Variants in NEB observed in about 807,000 individuals in gnomAD.
The protein encoded by NEB is nebulin, also known as nemaline myopathy type 2.
In NEB, 512 loss-of-function variants were observed where a neutral mutation model predicts 952.2. That is an observed-to-expected ratio of 0.54 (90% CI 0.50 to 0.58). The LOEUF is 0.58. Ranked by LOEUF, NEB falls within the 20% of genes least tolerant of loss-of-function variation. The pLI is 0.00. For missense variants in NEB, 8,428 were observed against 9,231.1 expected (o/e 0.91, Z 3.56); for synonymous variants, 2,900 against 3,149.8 (o/e 0.92, Z 2.66).
Position 151,569,316 on chromosome 2 carries a change from G to A in NEB, c.17487C>T (p.Asp5829=). The A allele has an allele frequency of 1.2e-6, 2 of 1,613,950 alleles. No individual in the cohort carries two copies. Among genetic ancestry groups the A allele is most frequent in the South Asian group, 1.1e-5 (1 of 91,084 alleles). Residue 5829 remains aspartate (D), a synonymous_variant, in exon 110 of 182, where the codon GAC becomes GAT. Coordinates refer to ENST00000397345, the MANE Select transcript of NEB (RefSeq NM_001164508.2). ...GTTTGGCATGATTGACGGACACGGA[G>A]TCATTTGGCATCCACCCAATTCCAC... ...WLRGIGWMPN[D]SVSVNHAKHA...
In NEB at chr2:151,688,211, CCTTGT is replaced by C. The variant is rs138685043; in HGVS notation, c.2415+76_2415+80del. 3,076 of 1,182,136 alleles carry C rather than the reference CCTTGT, an allele frequency of 2.6e-3. 60 individuals are homozygous for C. In the African/African-American group the frequency reaches 0.041, roughly 16 times the overall value. The allele number at this position is 1,182,136 out of a possible 1,614,324, so 73.2% of individuals were successfully genotyped here. The stretch of plus-strand genomic sequence containing the variant: ...CTTAAAGTTGTTTATTTGCACAATT[CCTTGT>C]CTTGTCTTTTAAAATTTAAAACATT... On this transcript the variant is annotated intron_variant, in intron 25 of 181. Transcript: ENST00000397345.
Position 151,633,932 on chromosome 2 carries a change from C to A in NEB, c.9136G>T (p.Gly3046Cys), listed in dbSNP as rs1335899216. 1.1e-5 allele frequency: 18 copies of A among 1,613,584 alleles called. No homozygotes were observed. Among genetic ancestry groups the A allele is most frequent in the Middle Eastern group, 1.6e-4 (1 of 6,082 alleles). Reference sequence around the variant, plus strand: ...ATGTTCCGGGCTCCAATATGGTGGCCAAGTTGCTTGCAGTAACCATCTTTA... The same window carrying A: ...ATGTTCCGGGCTCCAATATGGTGGCAAAGTTGCTTGCAGTAACCATCTTTA... The part of the protein sequence containing the change: ...KYKDGYCKQL[G>C]HHIGARNIED... The change falls in exon 65 of 182, where the codon GGC becomes TGC. Residue 3046 changes from glycine (G) to cysteine (C), a missense_variant. This residue lies in a region of NEB where 1,772 missense variants were observed against 1,960.3 expected (regional missense o/e 0.90). Transcript: ENST00000397345.
intron 13 of NEB, among the ~76,000 whole-genome samples, chr2:151,699,014 C>G (rs899095950): frequency 7.9e-6 from 1 of 126,364 alleles, no homozygotes; most frequent in African/African-American, 2.9e-5. Context: ...TGCTATCCCT[C>G]CCCCCTCCCC....
Position 151,713,668 on chromosome 2 carries a change from G to A in NEB, c.823-3130C>T, listed in dbSNP as rs561553901. Among the ~76,000 whole-genome samples the A allele has an allele frequency of 3.8e-4, 58 of 152,222 alleles. 1 individual carries two copies. Among genetic ancestry groups the A allele is most frequent in the Non-Finnish European group, 4.7e-4 (32 of 68,014 alleles). On this transcript the variant is annotated intron_variant, in intron 10 of 181. Transcript: ENST00000397345. ...GAAACTAAAGGGACTTTCCAGTGTC[G>A]CATTCAGGGCCCCACTTTCAGCTGG...
rs6705355 is a variant in NEB at position 151,537,313 on chromosome 2, A to T, written c.21103-77T>A. ...ATAAGTTAGTATCTATACAAGTGGAACAAACAGAAGCACTACCCCTTGAGG... is the reference window on the plus strand; with the variant it reads ...ATAAGTTAGTATCTATACAAGTGGATCAAACAGAAGCACTACCCCTTGAGG... On this transcript the variant is annotated intron_variant, in intron 140 of 181. Transcript: ENST00000397345. 0.016 allele frequency: 12,608 copies of T among 812,056 alleles called. 1,027 individuals are homozygous for T. The African/African-American group carries it at 0.18, about 12-fold the overall frequency. The allele number at this position is 812,056 out of a possible 1,614,324, so 50.3% of individuals were successfully genotyped here. A position where few individuals can be genotyped will look rare whatever the true frequency, so the allele number is the denominator to read the frequency against.
At chr2:151,579,697 T>A in intron 104 of NEB, 48 bp from the exon 105 acceptor site, 1 of 526,276 alleles carries the variant, frequency 1.9e-6, no homozygotes, top group Non-Finnish European at 3.1e-6. Context: ...CCAAACCCAC[T>A]TTTTCTAGAG....
chr2:151,523,241 TAATAA>T (rs1430125839), intron 153 of NEB, among the ~76,000 whole-genome samples: 1 of 152,206 alleles, frequency 6.6e-6, no homozygotes, highest in Non-Finnish European at 1.5e-5. Flanking sequence ...CATTAATTTA[TAATAA>T]AATATGTTAC....
Position 151,533,542 on chromosome 2 carries a change from T to C in NEB, c.21317A>G (p.Lys7106Arg), listed in dbSNP as rs375377794. The change falls in exon 143 of 182, where the codon AAA (lysine) becomes AGA (arginine). Residue 7106 changes from lysine to arginine, a missense_variant. Physicochemically the swap from Lys to Arg is conservative, Grantham distance 26. Coordinates refer to ENST00000397345, the MANE Select transcript of NEB (RefSeq NM_001164508.2). ...AAACATCTTGGCACTAGATTTATAT[T>C]TTCTCTGTCCATGCAAAGAGCAGTG... is the stretch of plus-strand genomic sequence containing the variant. ...KYATQLMNER[K>R]YKSSAKMFLQ... 22 of 1,548,278 alleles carry C rather than the reference T, an allele frequency of 1.4e-5. No individual in the cohort carries two copies. Among genetic ancestry groups the C allele is most frequent in the South Asian group, 1.2e-4 (10 of 84,016 alleles).
At chr2:151,632,589 T>G (rs921312904) in intron 65 of NEB, among the ~76,000 whole-genome samples, 1 of 146,268 alleles carries the variant, frequency 6.8e-6, no homozygotes, top group Non-Finnish European at 1.5e-5. Flanking sequence ...AGCATGAGAA[T>G]CACTTGAACC....
chr2:151,662,700 TATA>T (rs559632362), intron 45 of NEB, among the ~76,000 whole-genome samples: 43 of 152,326 alleles, frequency 2.8e-4, no homozygotes, highest in African/African-American at 1.0e-3. Flanking sequence ...TGACCTTTCT[TATA>T]AAAATTCCCA....
chr2:151,685,971 A>G (rs75244176), intron 27 of NEB, among the ~76,000 whole-genome samples: 6,297 of 152,226 alleles, frequency 0.041, 351 homozygotes, highest in African/African-American at 0.12. Context: ...TTTGTGGGTG[A>G]TCATTTTCAC....
In NEB at chr2:151,526,310, T is replaced by TA. The variant is rs751756810; in HGVS notation, c.21946-49dup. 6.4e-6 allele frequency: 8 copies of TA among 1,242,822 alleles called. No individual in the cohort carries two copies. The South Asian group carries it at 1.0e-4, about 16-fold the overall frequency. 77.0% of individuals were successfully genotyped at this position (1,242,822 alleles called of 1,614,324 possible). ...ATTTCTTTAGCTCTGCTGGATATCCTACATATTTTTATTACACCCTCAAAC... is the reference window on the plus strand; with the variant it reads ...ATTTCTTTAGCTCTGCTGGATATCCTAACATATTTTTATTACACCCTCAAAC... On this transcript the variant is annotated intron_variant, in intron 148 of 181. Transcript: ENST00000397345.
Position 151,695,550 on chromosome 2 carries a change from C to T in NEB, c.1674+28G>A, listed in dbSNP as rs772694387. The T allele has an allele frequency of 2.6e-6, 4 of 1,530,926 alleles. No individual in the cohort carries two copies. The East Asian group carries it at 9.0e-5, about 35-fold the overall frequency. The allele number at this position is 1,530,926 out of a possible 1,614,324, so 94.8% of individuals were successfully genotyped here. A position where few individuals can be genotyped will look rare whatever the true frequency, so the allele number is the denominator to read the frequency against. ...ATAAAAGCACAGGTTGTCAGTACAT[C>T]ACATGGTACAGGGCATAAGGAACTT... On this transcript the variant is annotated intron_variant, in intron 18 of 181. Coordinates refer to ENST00000397345, the MANE Select transcript of NEB (RefSeq NM_001164508.2).
Position 151,491,732 on chromosome 2 carries a change from A to T in NEB, c.25101T>A (p.Tyr8367Ter). 5.6e-6 allele frequency: 9 copies of T among 1,598,310 alleles called. No individual in the cohort carries two copies. The highest frequency in any genetic ancestry group is 7.7e-6 in the Non-Finnish European group (9 of 1,171,946). Residue 8367 changes from tyrosine to a stop codon, truncating the protein, a stop_gained, in exon 179 of 182, where the codon TAT becomes TAA. Coordinates refer to ENST00000397345, the MANE Select transcript of NEB (RefSeq NM_001164508.2). LOFTEE classifies it high-confidence loss of function. ...WRTNPGSVFD[Y>*]DPAEDNIQSR... ...ACTGGATGTTGTCTTCTGCTGGATC[A>T]TAGTCAAAAACCGAACCAGGATTAG...
In NEB at chr2:151,607,150, T is replaced by C. The variant is rs185221488; in HGVS notation, c.12639+354A>G. Among the ~76,000 whole-genome samples the C allele has an allele frequency of 1.6e-3, 167 of 103,732 alleles. 24 individuals carry two copies. Among genetic ancestry groups the C allele is most frequent in the African/African-American group, 4.1e-3 (162 of 39,180 alleles). The allele number at this position is 103,732 out of a possible 152,430, so 68.1% of individuals were successfully genotyped here. ...TCATACCTAGCCCGCCATCTGGATGTAAATAGAAATGGTCTTTTGTCTTTC... is the reference window on the plus strand; with the variant it reads ...TCATACCTAGCCCGCCATCTGGATGCAAATAGAAATGGTCTTTTGTCTTTC... On this transcript the variant is annotated intron_variant, in intron 83 of 181. Transcript: ENST00000397345.
rs756489221 is a variant in NEB, at chr2:151,516,464, T to C, written c.22900A>G (p.Ser7634Gly). The C allele has an allele frequency of 3.7e-6, 6 of 1,608,316 alleles. No individual in the cohort carries two copies. In the East Asian group the frequency reaches 1.3e-4, roughly 36 times the overall value. ...GTGTGGTTTTTTTGACTTACCCCAC[T>C]CTGCATCTGCTGAGACTCTTTGGCA... ...ITAKESQQMQ[S>G]GKEYRKDYEE... Residue 7634 changes from serine (S) to glycine (G), a missense_variant, in exon 157 of 182, where the codon AGT becomes GGT. Ser to Gly is a moderately conservative substitution (Grantham distance 56, BLOSUM62 0). Around this residue, in one of 11 missense-constraint regions of NEB, gnomAD observed 3,374 missense variants for 3,651.5 expected, o/e 0.92. Transcript: ENST00000397345.
At chr2:151,637,567 G>A (rs2098785577) in intron 63 of NEB, among the ~76,000 whole-genome samples, 1 of 152,202 alleles carries the variant, frequency 6.6e-6, no homozygotes. Context: ...GGAATAGGGG[G>A]TTGCGGGCAA....
Position 151,618,433 on chromosome 2 carries a change from C to T in NEB, c.10918G>A (p.Val3640Ile), listed in dbSNP as rs1261468577. The change falls in exon 74 of 182, where the codon GTT becomes ATT. Residue 3640 changes from valine (V) to isoleucine (I), a missense_variant. Coordinates refer to ENST00000397345, the MANE Select transcript of NEB (RefSeq NM_001164508.2). ...ACAACTTCCAAGGAATCAATCGGAACCCAGCCAATGCCTTTCATCCATTCA... is the reference window on the plus strand; with the variant it reads ...ACAACTTCCAAGGAATCAATCGGAATCCAGCCAATGCCTTTCATCCATTCA... ...DLEWMKGIGW[V>I]PIDSLEVVRA... 1.2e-6 allele frequency: 2 copies of T among 1,613,926 alleles called. No homozygotes were observed. Among genetic ancestry groups the T allele is most frequent in the Admixed American group, 1.7e-5 (1 of 60,008 alleles).
At chr2:151,626,845 C>T (rs1030618767) in intron 70 of NEB, among the ~76,000 whole-genome samples, 157 bp downstream of exon 70, 6 of 152,154 alleles carry the variant, frequency 3.9e-5, no homozygotes, top group African/African-American at 7.2e-5. Context: ...AGAAATGCTC[C>T]CATATATTGT....
Sources: gnomAD v4.1 joint callset for allele counts (sites outside exome capture counted in the v4.1 genomes callset) on GRCh38, gnomAD v4.1.1 for gene constraint, gnomAD v4.1.1 regional missense constraint, MANE v1.5 for transcripts, NCBI Gene and HGNC (gene_info 2026-07-23, HGNC 2026-07-21) for gene names.